Variants in ERCC5 observed in about 807,000 individuals in gnomAD.
ERCC5 encodes DNA excision repair protein ERCC-5.
A neutral mutation model predicts 105.6 loss-of-function variants in ERCC5; 68 were observed. That is an observed-to-expected ratio of 0.64 (90% confidence interval 0.53 to 0.79). The LOEUF (loss-of-function observed/expected upper bound fraction) is 0.79, where lower values mean the gene tolerates loss of function less well. Among genes scored for constraint, ERCC5 ranks in the 30% least tolerant of loss-of-function variants. The probability of loss-of-function intolerance (pLI) is 0.00; values close to 1 mark genes in which losing one functional copy is unlikely to be tolerated. For missense variants in ERCC5, 1,373 were observed against 1,426.7 expected (o/e 0.96, Z 0.61); for synonymous variants, 546 against 526.2 (o/e 1.04, Z -0.51).
In ERCC5 at chr13:102,872,177, AT is replaced by A. The variant is rs1427660231; in HGVS notation, c.2679-19del. 1.1e-5 allele frequency: 17 copies of A among 1,612,230 alleles called. No homozygotes were observed. The highest frequency in any genetic ancestry group is 1.4e-5 in the Non-Finnish European group (17 of 1,178,866). On this transcript the variant is annotated intron_variant, in intron 12 of 14. Coordinates refer to ENST00000652225, the MANE Select transcript of ERCC5 (RefSeq NM_000123.4). ...ATAATGTCTCATTGCTGTGTAAGTA[AT>A]TGTTTCCTTTATTTTACAGAGAATG...
intron 12 of ERCC5, 108 bp downstream of exon 12, chr13:102,868,365 G>A: frequency 7.0e-7 from 1 of 1,437,086 alleles, no homozygotes. Context: ...GTGAACAATG[G>A]TTCACTGAGA....
chr13:102,846,047 G>T lies in ERCC5; in HGVS notation c.-220G>T. The T allele has an allele frequency of 1.8e-6, 1 of 567,086 alleles. No individual in the cohort carries two copies. The highest frequency in any genetic ancestry group is 2.3e-5 in the South Asian group (1 of 43,918). 35.1% of individuals were successfully genotyped at this position (567,086 alleles called of 1,614,324 possible). On this transcript the variant is annotated 5_prime_UTR_variant, in exon 1 of 15. Coordinates refer to ENST00000652225, the MANE Select transcript of ERCC5 (RefSeq NM_000123.4). ...ACCTGTCTTTCTTCCGGGAGGCGGT[G>T]ACAGCTGCTGAGACGTGTTGCAGCC...
At chr13:102,864,887 C>G (rs1288541797) in intron 8 of ERCC5, 2 of 152,426 alleles carry the variant, frequency 1.3e-5, no homozygotes, top group East Asian at 1.9e-4. Context: ...ATACTGACAT[C>G]TGCAATTCCA....
chr13:102,869,998 C>G (rs1882979439), intron 12 of ERCC5, among the ~76,000 whole-genome samples: 2 of 152,186 alleles, frequency 1.3e-5, no homozygotes, highest in Admixed American at 1.3e-4. Context: ...ATAGGAGCAG[C>G]CTTCGCTCTG....
intron 1 of ERCC5, among the ~76,000 whole-genome samples, chr13:102,847,636 C>A (rs757566317): frequency 2.0e-5 from 3 of 152,112 alleles, no homozygotes; most frequent in Non-Finnish European, 2.9e-5. Context: ...AGTTTTTATA[C>A]AGGGTACTTT....
At chr13:102,873,815 C>T (rs907628723) in intron 14 of ERCC5, among the ~76,000 whole-genome samples, 4 of 152,092 alleles carry the variant, frequency 2.6e-5, no homozygotes, top group Non-Finnish European at 5.9e-5. Flanking sequence ...TTTTGTATGA[C>T]CTTTAGTTCC....
chr13:102,866,250 A>C lies in ERCC5; in HGVS notation c.2200-12A>C. 1 of 1,613,740 alleles carries C rather than the reference A, an allele frequency of 6.2e-7. No individual in the cohort carries two copies. Among genetic ancestry groups the C allele is most frequent in the Non-Finnish European group, 8.5e-7 (1 of 1,179,848 alleles). On this transcript the variant is annotated splice_polypyrimidine_tract_variant and intron_variant, in intron 9 of 14. Transcript: ENST00000652225. Reference sequence around the variant, plus strand: ...ATTAATATAAATCTATAAATGAAAAAACATTTTATAGGAGGAGTTGGAAAC... The same window carrying C: ...ATTAATATAAATCTATAAATGAAAACACATTTTATAGGAGGAGTTGGAAAC...
At position 102,865,875 on chromosome 13, in the gene ERCC5, G is replaced by A. The variant is rs149224228; in HGVS notation, c.2163G>A (p.Ala721=). The change falls in exon 9 of 15, where the codon GCG becomes GCA. Residue 721 remains alanine (A), a synonymous_variant. Coordinates refer to ENST00000652225, the MANE Select transcript of ERCC5 (RefSeq NM_000123.4). The surrounding 1 kb of genome is among the most constrained non-coding windows in gnomAD (Gnocchi z 4.0). ...AGCCACAGGAAGCTGAGAAAGATGC[G>A]GAAGATTCGCTCCATGAATGGCAAG... ...DGEPQEAEKD[A]EDSLHEWQDI... The A allele has an allele frequency of 8.7e-5, 141 of 1,614,090 alleles. No individual in the cohort carries two copies. The highest frequency in any genetic ancestry group is 6.6e-4 in the Middle Eastern group (4 of 6,084).
At chr13:102,849,473 G>A (rs182634575) in intron 1 of ERCC5, 15 of 517,662 alleles carry the variant, frequency 2.9e-5, no homozygotes, top group African/African-American at 2.1e-4. Context: ...GATATGCCTG[G>A]CCCATGGTAT....
intron 1 of ERCC5, among the ~76,000 whole-genome samples, chr13:102,849,711 G>A (rs1002679184): frequency 2.0e-5 from 3 of 152,128 alleles, no homozygotes; most frequent in Admixed American, 6.5e-5. Flanking sequence ...CAAATTGCCC[G>A]GGCAAGCCAT....
chr13:102,864,097 G>A (rs1480367130), intron 8 of ERCC5, among the ~76,000 whole-genome samples: 1 of 148,158 alleles, frequency 6.7e-6, no homozygotes, highest in African/African-American at 2.5e-5. Flanking sequence ...GACTTCATAC[G>A]TGATGGCCAC....
At chr13:102,847,879 G>A (rs1882038188) in intron 1 of ERCC5, among the ~76,000 whole-genome samples, 2 of 152,178 alleles carry the variant, frequency 1.3e-5, no homozygotes. Flanking sequence ...AGAGGACTGT[G>A]GCCAGGCTCA....
intron 14 of ERCC5, among the ~76,000 whole-genome samples, chr13:102,874,572 A>G (rs1040523504): frequency 4.6e-5 from 7 of 152,092 alleles, no homozygotes; most frequent in African/African-American, 1.7e-4. Context: ...CCCAGGCTGG[A>G]GTGCAGTGGT....
intron 6 of ERCC5, among the ~76,000 whole-genome samples, chr13:102,860,977 G>A (rs866918981): frequency 7.0e-6 from 1 of 141,886 alleles, no homozygotes; most frequent in Non-Finnish European, 1.5e-5. Context: ...ATCATAAACA[G>A]TATTCATGAT....
In ERCC5 at chr13:102,858,301, G is replaced by A. The variant is rs374538522; in HGVS notation, c.555G>A (p.Ala185=). ...AAGAGTTCTTTCATAATCCTCAAGC[G>A]ATAGATATTGAGTCTGAGGACTTCA... The part of the protein sequence containing the change: ...LQEEFFHNPQ[A]IDIESEDFSS... Residue 185 remains alanine, a synonymous_variant, in exon 6 of 15, where the codon GCG becomes GCA. Coordinates refer to ENST00000652225, the MANE Select transcript of ERCC5 (RefSeq NM_000123.4). The A allele has an allele frequency of 1.1e-5, 18 of 1,614,080 alleles. No homozygotes were observed. In the African/African-American group the frequency reaches 1.7e-4, roughly 16 times the overall value.
chr13:102,862,921 G>A lies in ERCC5; in HGVS notation c.1772G>A (p.Ser591Asn). The A allele has an allele frequency of 6.2e-7, 1 of 1,614,208 alleles. No homozygotes were observed. The highest frequency in any genetic ancestry group is 8.5e-7 in the Non-Finnish European group (1 of 1,180,038). The change falls in exon 8 of 15, where the codon AGT (serine) becomes AAT (asparagine). Residue 591 changes from serine (S) to asparagine (N), a missense_variant. Around this residue, in one of 3 missense-constraint regions of ERCC5, gnomAD observed 1,004 missense variants for 1,059.7 expected, o/e 0.95. Coordinates refer to ENST00000652225, the MANE Select transcript of ERCC5 (RefSeq NM_000123.4). ...TTGCAAGAAACAAGTAGCATAGTAA[G>A]TGTCCCTTCAGAGGCAGTAGATAAT... is the stretch of plus-strand genomic sequence containing the variant. ...VSLQETSSIVSVPSEAVDNVE... is the reference protein window; with the variant it reads ...VSLQETSSIVNVPSEAVDNVE...
chr13:102,861,968 A>T, intron 7 of ERCC5, 62 bp from the exon 8 acceptor site: 2 of 1,587,412 alleles, frequency 1.3e-6, no homozygotes, highest in African/African-American at 2.7e-5. Context: ...TATCCATCTT[A>T]CTAGAAGCGT....
At chr13:102,863,638 T>C (rs1455542289) in intron 8 of ERCC5, among the ~76,000 whole-genome samples, 1 of 152,204 alleles carries the variant, frequency 6.6e-6, no homozygotes, top group East Asian at 1.9e-4. Context: ...AAATCAGTAC[T>C]CACCGCAATG....
chr13:102,852,096 T>A (rs763226034), intron 1 of ERCC5, 22 bp from the exon 2 acceptor site: 2 of 1,613,742 alleles, frequency 1.2e-6, no homozygotes, highest in Non-Finnish European at 1.7e-6. Flanking sequence ...CCCGGAGTTT[T>A]TTCCATTAAC....
Sources: allele counts gnomAD v4.1 joint callset (sites outside exome capture counted in the v4.1 genomes callset), GRCh38; gene constraint gnomAD v4.1.1; regional missense constraint gnomAD v4.1.1; non-coding constraint Gnocchi (gnomAD v3.1); transcripts MANE v1.5; gene names NCBI Gene and HGNC (gene_info 2026-07-23, HGNC 2026-07-21).